The following NRG3 variants were observed in gnomAD, a reference collection of about 807,000 sequenced individuals.
NRG3 encodes pro-neuregulin-3, membrane-bound isoform.
Under a neutral mutation model 66.9 loss-of-function variants are expected in NRG3, and 31 were observed. That is an observed-to-expected ratio of 0.46 (90% confidence interval 0.35 to 0.63). The LOEUF (loss-of-function observed/expected upper bound fraction) is 0.63, where lower values mean the gene tolerates loss of function less well. NRG3 is among the 20% of genes least tolerant of loss of function. NRG3 has a pLI of 0.00. For synonymous variants in NRG3, 393 were observed against 359.4 expected (o/e 1.09, Z -1.06); for missense variants, 910 against 878.9 (o/e 1.04, Z -0.45).
chr10:82,065,378 A>G (rs149850678), intron 1 of NRG3, among the ~76,000 whole-genome samples: 246 of 152,346 alleles, frequency 1.6e-3, no homozygotes, highest in African/African-American at 5.5e-3. Context: ...GTTTGATAAT[A>G]ACTTTTAGGT....
chr10:82,225,520 G>A (rs2133822201), intron 1 of NRG3: 1 of 152,250 alleles, frequency 6.6e-6, no homozygotes, highest in African/African-American at 2.4e-5. Context: ...TGAAGGGCAT[G>A]TTACCCTACA....
chr10:82,310,293 A>T (rs1459288316), intron 1 of NRG3, among the ~76,000 whole-genome samples: 2 of 152,224 alleles, frequency 1.3e-5, no homozygotes, highest in Admixed American at 6.5e-5. Flanking sequence ...GAGTAAGTCC[A>T]AGAGGTGAAT....
chr10:81,988,869 A>G (rs2060627671), intron 1 of NRG3, among the ~76,000 whole-genome samples: 2 of 150,032 alleles, frequency 1.3e-5, no homozygotes, highest in Non-Finnish European at 1.5e-5. Flanking sequence ...CCAAACCCGG[A>G]TGTACTTTTT....
At chr10:81,927,645 C>A (rs1166564485) in intron 1 of NRG3, among the ~76,000 whole-genome samples, 3 of 152,098 alleles carry the variant, frequency 2.0e-5, no homozygotes, top group Non-Finnish European at 2.9e-5. Flanking sequence ...TTCAGAGGTT[C>A]CATAAACTCC....
intron 3 of NRG3, among the ~76,000 whole-genome samples, chr10:82,797,591 A>G (rs922935136): frequency 3.3e-5 from 5 of 152,042 alleles, no homozygotes; most frequent in African/African-American, 1.2e-4. Context: ...CATTATATCA[A>G]ATGTCCTTGT....
At chr10:82,631,195 T>C (rs1321240415) in intron 2 of NRG3, among the ~76,000 whole-genome samples, 2 of 152,148 alleles carry the variant, frequency 1.3e-5, no homozygotes, top group African/African-American at 4.8e-5. Context: ...CTCTCTAGTG[T>C]GGGAAGGAGG....
intron 3 of NRG3, among the ~76,000 whole-genome samples, chr10:82,819,502 A>G (rs2135560677): frequency 6.6e-6 from 1 of 152,330 alleles, no homozygotes; most frequent in South Asian, 2.1e-4. Flanking sequence ...CAATGACTAT[A>G]TCCTCTCTGA....
chr10:82,853,808 G>T (rs979353001), intron 3 of NRG3, among the ~76,000 whole-genome samples: 15 of 152,018 alleles, frequency 9.9e-5, no homozygotes, highest in African/African-American at 3.6e-4. Context: ...TTGTCTGATT[G>T]CTCTGGTTAG....
chr10:82,354,545 C>A (rs767738899), intron 1 of NRG3, among the ~76,000 whole-genome samples: 1 of 152,048 alleles, frequency 6.6e-6, no homozygotes, highest in Non-Finnish European at 1.5e-5. Context: ...TGCCTGCCAC[C>A]ATGCCTGGCT....
chr10:82,662,638 G>A (rs1480599128), intron 2 of NRG3, among the ~76,000 whole-genome samples: 1 of 152,136 alleles, frequency 6.6e-6, no homozygotes, highest in African/African-American at 2.4e-5. Flanking sequence ...AAGTGCCAGT[G>A]CCCAGCTACT....
intron 2 of NRG3, among the ~76,000 whole-genome samples, chr10:82,723,009 A>C (rs557859389): frequency 1.1e-4 from 17 of 152,276 alleles, no homozygotes; most frequent in African/African-American, 3.8e-4. Flanking sequence ...CTACCAAAAG[A>C]CCCATGCACT....
chr10:82,780,626 C>A (rs2060086394), intron 3 of NRG3, among the ~76,000 whole-genome samples: 1 of 151,954 alleles, frequency 6.6e-6, no homozygotes, highest in Non-Finnish European at 1.5e-5. Flanking sequence ...CAGGCAGTTA[C>A]ACTGTTTAGC....
intron 2 of NRG3, among the ~76,000 whole-genome samples, chr10:82,728,184 T>C (rs2057709209): frequency 6.6e-6 from 1 of 152,112 alleles, no homozygotes; most frequent in Non-Finnish European, 1.5e-5. Context: ...GTTAAGACTT[T>C]GGGGGACTGT....
At chr10:82,121,973 C>G (rs557542915) in intron 1 of NRG3, among the ~76,000 whole-genome samples, 1 of 152,116 alleles carries the variant, frequency 6.6e-6, no homozygotes, top group African/African-American at 2.4e-5. Context: ...ATAACAACCC[C>G]CCAACTCCAA....
intron 1 of NRG3, among the ~76,000 whole-genome samples, chr10:81,882,499 T>C (rs1040513773): frequency 6.6e-6 from 1 of 152,208 alleles, no homozygotes; most frequent in Non-Finnish European, 1.5e-5. Context: ...AATTCTATAA[T>C]AGCTGTGCAA....
At chr10:82,959,476 C>T (rs564907112) in intron 6 of NRG3, among the ~76,000 whole-genome samples, 9 of 152,118 alleles carry the variant, frequency 5.9e-5, no homozygotes, top group South Asian at 2.1e-4. Flanking sequence ...AAGTGAGTTC[C>T]GAGATAGTTG....
At chr10:82,555,659 T>A (rs2044599722) in intron 2 of NRG3, among the ~76,000 whole-genome samples, 1 of 152,172 alleles carries the variant, frequency 6.6e-6, no homozygotes, top group Admixed American at 6.6e-5. Flanking sequence ...ATTAACTCAG[T>A]GATCTGCCTT....
intron 1 of NRG3, among the ~76,000 whole-genome samples, chr10:81,910,408 A>G (rs1257291330): frequency 2.6e-5 from 4 of 152,216 alleles, no homozygotes; most frequent in African/African-American, 4.8e-5. Context: ...ATAATGTTCA[A>G]AGTAAAAATA....
chr10:81,991,897 A>G (rs2060756938), intron 1 of NRG3, among the ~76,000 whole-genome samples: 1 of 152,140 alleles, frequency 6.6e-6, no homozygotes, highest in Non-Finnish European at 1.5e-5. Flanking sequence ...AATAATTTCC[A>G]TAATTATTAA....
Sources: allele counts gnomAD v4.1 joint callset (sites outside exome capture counted in the v4.1 genomes callset), GRCh38; gene constraint gnomAD v4.1.1; transcripts MANE v1.5; gene names NCBI Gene and HGNC (gene_info 2026-07-23, HGNC 2026-07-21).